The following ADARB2 variants were observed in gnomAD, a reference collection of about 807,000 sequenced individuals.
ADARB2 encodes inactive double-stranded RNA-specific editase B2.
ADARB2 carries 25 observed loss-of-function variants against 62.2 expected under a neutral mutation model. The ratio of observed to expected loss-of-function variants is 0.40; its 90% CI spans 0.29 to 0.56. The LOEUF (loss-of-function observed/expected upper bound fraction) is 0.56. Among genes scored for constraint, ADARB2 ranks in the 20% least tolerant of loss-of-function variants. The probability of loss-of-function intolerance (pLI) is 0.43; values close to 1 mark genes in which losing one functional copy is unlikely to be tolerated. For synonymous variants in ADARB2, 572 were observed against 500.8 expected (o/e 1.14, Z -1.90); for missense variants, 1,071 against 1,077.4 (o/e 0.99, Z 0.08).
intron 1 of ADARB2, among the ~76,000 whole-genome samples, chr10:1,458,637 C>G (rs1033161862): frequency 2.0e-5 from 3 of 152,084 alleles, no homozygotes; most frequent in African/African-American, 7.2e-5. Flanking sequence ...TCTGGTCTGG[C>G]CTCTTTGCTT....
chr10:1,241,837 G>A (rs1413528470), intron 5 of ADARB2, among the ~76,000 whole-genome samples: 2 of 152,212 alleles, frequency 1.3e-5, no homozygotes, highest in Admixed American at 1.3e-4. Flanking sequence ...ATGGGGAACC[G>A]AGGCCAGGAG....
rs1427190137 is a variant in ADARB2 at position 1,677,622 on chromosome 10, G to A, written c.100+59429C>T. Among the ~76,000 whole-genome samples, 4 of 152,272 alleles carry A rather than the reference G, an allele frequency of 2.6e-5. No homozygotes were observed. The East Asian group carries it at 7.8e-4, about 30-fold the overall frequency. On this transcript the variant is annotated intron_variant, in intron 1 of 9. Transcript: ENST00000381312. ...TGGCCTGCTGGTGCATCATGGATTT[G>A]GAGCTCAAGAAGGCGGCTGTCTACC...
intron 3 of ADARB2, among the ~76,000 whole-genome samples, chr10:1,340,810 C>A (rs1185069746): frequency 7.1e-6 from 1 of 140,196 alleles, no homozygotes; most frequent in Non-Finnish European, 1.5e-5. Context: ...CGCCCCACAG[C>A]GGCAATAACC....
intron 3 of ADARB2, among the ~76,000 whole-genome samples, chr10:1,362,086 G>A (rs1832262801): frequency 1.3e-5 from 2 of 152,246 alleles, no homozygotes; most frequent in South Asian, 4.1e-4. Flanking sequence ...ATAGGAGGCA[G>A]GAAAATAGGG....
chr10:1,691,038 C>T (rs1221219814), intron 1 of ADARB2, among the ~76,000 whole-genome samples: 2 of 152,162 alleles, frequency 1.3e-5, no homozygotes, highest in Non-Finnish European at 2.9e-5. Flanking sequence ...AATGGTGTCC[C>T]CCCAAATTCC....
At chr10:1,526,405 G>A (rs1291403284) in intron 1 of ADARB2, among the ~76,000 whole-genome samples, 4 of 151,962 alleles carry the variant, frequency 2.6e-5, no homozygotes, top group Admixed American at 2.0e-4. Flanking sequence ...ATGTTGAAAC[G>A]TGATCCCCAG....
chr10:1,199,502 G>C (rs1341898428), intron 8 of ADARB2: 1 of 156,150 alleles, frequency 6.4e-6, no homozygotes, highest in African/African-American at 2.4e-5. Flanking sequence ...GCAGCCTCTG[G>C]AGGGTGTGGA....
intron 1 of ADARB2, among the ~76,000 whole-genome samples, chr10:1,729,313 G>A (rs1305546626): frequency 6.6e-6 from 1 of 152,202 alleles, no homozygotes; most frequent in Non-Finnish European, 1.5e-5. Flanking sequence ...ATCAGATAGT[G>A]TCTGAGCTTG....
At chr10:1,230,761 T>G (rs1485988344) in intron 6 of ADARB2, among the ~76,000 whole-genome samples, 2 of 151,972 alleles carry the variant, frequency 1.3e-5, no homozygotes, top group Non-Finnish European at 2.9e-5. Flanking sequence ...GTACCTTCCT[T>G]CTCCACGCTC....
At chr10:1,292,913 T>G (rs1465617282) in intron 3 of ADARB2, 2 of 145,410 alleles carry the variant, frequency 1.4e-5, no homozygotes, top group Non-Finnish European at 3.0e-5. Flanking sequence ...TCCAAAGCCT[T>G]TGTTGCTAAG....
intron 3 of ADARB2, among the ~76,000 whole-genome samples, chr10:1,344,658 G>T (rs190963514): frequency 1.2e-3 from 188 of 152,332 alleles, no homozygotes; most frequent in Non-Finnish European, 1.5e-3. Context: ...TTCCCAGGAG[G>T]CAAAATGTCA....
intron 1 of ADARB2, among the ~76,000 whole-genome samples, chr10:1,462,008 AT>A (rs1221513222): frequency 6.6e-6 from 1 of 152,220 alleles, no homozygotes; most frequent in Non-Finnish European, 1.5e-5. Context: ...TCTCAAAAAA[AT>A]ATTTTAGTTG....
chr10:1,713,342 C>T (rs1004768426), intron 1 of ADARB2, among the ~76,000 whole-genome samples: 3 of 152,162 alleles, frequency 2.0e-5, no homozygotes, highest in African/African-American at 7.2e-5. Context: ...AGAACTGTCT[C>T]GCCATGTGGA....
At chr10:1,510,146 TTCTTTCTTTC>T (rs1365500749) in intron 1 of ADARB2, among the ~76,000 whole-genome samples, 2 of 146,252 alleles carry the variant, frequency 1.4e-5, no homozygotes, top group Admixed American at 6.9e-5. Context: ...CTTTCTTTCT[TTCTTTCTTTC>T]TTTCTTTCTT....
At chr10:1,234,248 C>T (rs974038889) in intron 5 of ADARB2, among the ~76,000 whole-genome samples, 9 of 152,064 alleles carry the variant, frequency 5.9e-5, no homozygotes, top group Admixed American at 1.3e-4. Context: ...CTCAGTCTCC[C>T]GAAGTGCTGG....
intron 1 of ADARB2, among the ~76,000 whole-genome samples, chr10:1,730,169 C>G (rs1468957711): frequency 6.6e-6 from 1 of 152,162 alleles, no homozygotes; most frequent in African/African-American, 2.4e-5. Context: ...AATGGCAAAA[C>G]AACAGCCACA....
chr10:1,590,580 T>C (rs1263236658), intron 1 of ADARB2, among the ~76,000 whole-genome samples: 2 of 152,190 alleles, frequency 1.3e-5, no homozygotes, highest in African/African-American at 4.8e-5. Context: ...CCTCTGGCCG[T>C]TAGACGAGAG....
At chr10:1,214,152 G>A (rs893525756) in intron 7 of ADARB2, among the ~76,000 whole-genome samples, 3 of 114,442 alleles carry the variant, frequency 2.6e-5, no homozygotes, top group Non-Finnish European at 3.8e-5. Context: ...TGTGTCCAGC[G>A]TAGTGTAGGT....
chr10:1,634,189 A>G (rs1833886617), intron 1 of ADARB2, among the ~76,000 whole-genome samples: 1 of 152,184 alleles, frequency 6.6e-6, no homozygotes. Flanking sequence ...GTCAGATTCA[A>G]GTAAGCAGGT....
Sources: allele counts gnomAD v4.1 joint callset (sites outside exome capture counted in the v4.1 genomes callset), GRCh38; gene constraint gnomAD v4.1.1; transcripts MANE v1.5; gene names NCBI Gene and HGNC (gene_info 2026-07-23, HGNC 2026-07-21).